Variants in ZC3H12B observed in about 807,000 individuals in gnomAD.
ZC3H12B encodes the protein zinc finger CCCH-type containing 12B.
Under a neutral mutation model 43.9 loss-of-function variants are expected in ZC3H12B, and 7 were observed. The observed-to-expected ratio is 0.16, with a 90% CI of 0.09 to 0.30. The LOEUF (loss-of-function observed/expected upper bound fraction) is 0.30. ZC3H12B is among the 10% of genes least tolerant of loss of function. ZC3H12B has a pLI of 1.00. For synonymous variants in ZC3H12B, 222 were observed against 241.7 expected (o/e 0.92, Z 0.76); for missense variants, 475 against 670.2 (o/e 0.71, Z 3.22).
At chrX:65,479,408 C>A (rs1172699968) in intron 3 of ZC3H12B, among the ~76,000 whole-genome samples, 1 of 106,385 alleles carries the variant, frequency 9.4e-6, no homozygotes, top group Non-Finnish European at 1.9e-5. Flanking sequence ...ACCCTTGTTG[C>A]CCAGGCTGGA....
At chrX:65,140,258 G>A in the ZC3H12B span, among the ~76,000 whole-genome samples, 1 of 111,161 alleles carries the variant, frequency 9.0e-6, no homozygotes, top group African/African-American at 3.3e-5. Flanking sequence ...TTATTGTCTT[G>A]TGGTACCTCC....
the ZC3H12B span, among the ~76,000 whole-genome samples, chrX:65,121,500 A>T: frequency 9.0e-6 from 1 of 110,940 alleles, no homozygotes; most frequent in Non-Finnish European, 1.9e-5. Flanking sequence ...GGTGATATCC[A>T]CTTTATTATT....
At chrX:65,364,643 A>G (rs766428361), upstream of ZC3H12B, among the ~76,000 whole-genome samples, 1 of 111,044 alleles carries the variant, frequency 9.0e-6, no homozygotes, top group African/African-American at 3.3e-5. Context: ...TTCCAGCCTC[A>G]CAGGCCCATT....
the ZC3H12B span, among the ~76,000 whole-genome samples, chrX:65,251,535 G>C: frequency 1.3e-4 from 14 of 111,204 alleles, no homozygotes; most frequent in Non-Finnish European, 1.7e-4. Context: ...TGGACCGTAT[G>C]GCCATTTTCA....
At chrX:65,458,649 C>T (rs1325681691) in intron 3 of ZC3H12B, among the ~76,000 whole-genome samples, 2 of 112,049 alleles carry the variant, frequency 1.8e-5, no homozygotes, top group African/African-American at 3.2e-5. Context: ...TAAAGATGTT[C>T]TTTGAAACCA....
chrX:65,078,342 A>G, the ZC3H12B span, among the ~76,000 whole-genome samples: 1 of 112,505 alleles, frequency 8.9e-6, no homozygotes, highest in Non-Finnish European at 1.9e-5. Flanking sequence ...GAATAAGTAT[A>G]GATAGAGAAT....
At chrX:65,157,170 A>G in the ZC3H12B span, among the ~76,000 whole-genome samples, 1 of 110,544 alleles carries the variant, frequency 9.0e-6, no homozygotes, top group Non-Finnish European at 1.9e-5. Context: ...TTGTAGAGAC[A>G]GAGTTTTGCC....
intron 3 of ZC3H12B, among the ~76,000 whole-genome samples, chrX:65,480,601 C>G (rs2068050644): frequency 8.9e-6 from 1 of 111,990 alleles, no homozygotes; most frequent in Admixed American, 9.5e-5. Context: ...AATCCCAGCA[C>G]TTTGGGAGGC....
chrX:65,489,517 C>A, intron 1 of ZC3H12B, 108 bp downstream of exon 6: 1 of 954,956 alleles, frequency 1.0e-6, no homozygotes, highest in Non-Finnish European at 1.4e-6. Context: ...TTGACTGTGG[C>A]GTGTGTTTCT....
At chrX:65,366,498 G>A (rs1406854592), upstream of ZC3H12B, 2 of 112,212 alleles carry the variant, frequency 1.8e-5, no homozygotes, top group African/African-American at 6.5e-5. Context: ...CAATCTTGAG[G>A]ATTAATTTCT....
the ZC3H12B span, among the ~76,000 whole-genome samples, chrX:65,171,306 A>T: frequency 8.1e-5 from 9 of 110,898 alleles, no homozygotes; most frequent in Non-Finnish European, 1.7e-4. Context: ...CTGCAAGTCC[A>T]CTCCAGACCC....
the ZC3H12B span, among the ~76,000 whole-genome samples, chrX:65,092,722 G>A: frequency 8.9e-6 from 1 of 112,175 alleles, no homozygotes. Flanking sequence ...TCATATGTGT[G>A]AGCAAACAAA....
chrX:65,189,645 T>C, the ZC3H12B span, among the ~76,000 whole-genome samples: 11 of 102,721 alleles, frequency 1.1e-4, no homozygotes, highest in African/African-American at 4.1e-4. Context: ...GATGGGGTTG[T>C]TTGTTTTTTT....
chrX:65,378,532 C>T (rs1245236289), intron 2 of ZC3H12B, among the ~76,000 whole-genome samples: 6 of 111,007 alleles, frequency 5.4e-5, no homozygotes, highest in Non-Finnish European at 9.5e-5. Flanking sequence ...AAAAGGAAGA[C>T]GAGAAGGAAG....
chrX:65,373,371 T>C (rs1001462157), intron 2 of ZC3H12B, among the ~76,000 whole-genome samples: 1 of 111,299 alleles, frequency 9.0e-6, no homozygotes, highest in Non-Finnish European at 1.9e-5. Flanking sequence ...TACCATTTGA[T>C]CCAGCCATCC....
chrX:65,096,837 T>G, the ZC3H12B span, among the ~76,000 whole-genome samples: 1 of 111,712 alleles, frequency 9.0e-6, no homozygotes, highest in Admixed American at 9.5e-5. Context: ...TTATTGTTAT[T>G]GAAAATATAT....
intron 2 of ZC3H12B, among the ~76,000 whole-genome samples, chrX:65,378,964 C>A (rs778160375): frequency 8.9e-6 from 1 of 112,406 alleles, no homozygotes; most frequent in Admixed American, 9.3e-5. Context: ...CCTATGCCCA[C>A]GGAGTCTCAT....
At chrX:65,500,680 C>A (rs774969793) in intron 4 of ZC3H12B, among the ~76,000 whole-genome samples, 12 of 110,877 alleles carry the variant, frequency 1.1e-4, no homozygotes, top group African/African-American at 3.3e-4. Flanking sequence ...CCACCCACCT[C>A]GGCCTCTGAA....
At chrX:65,434,077 T>G (rs1423727050) in intron 3 of ZC3H12B, among the ~76,000 whole-genome samples, 1 of 111,892 alleles carries the variant, frequency 8.9e-6, no homozygotes, top group Non-Finnish European at 1.9e-5. Flanking sequence ...ATAGTAAGTA[T>G]GCCAATCTTG....
Sources: allele counts gnomAD v4.1 joint callset (sites outside exome capture counted in the v4.1 genomes callset), GRCh38; gene constraint gnomAD v4.1.1; transcripts MANE v1.5; gene names NCBI Gene and HGNC (gene_info 2026-07-23, HGNC 2026-07-21).